The following CDK6 variants were observed in gnomAD, a reference collection of about 807,000 sequenced individuals.
CDK6 encodes the protein cyclin dependent kinase 6.
In CDK6, 6 loss-of-function variants were observed where a neutral mutation model predicts 37.1. That is an observed-to-expected ratio of 0.16 (90% CI 0.09 to 0.32). The LOEUF is 0.32. CDK6 is among the 10% of genes least tolerant of loss of function. The pLI is 1.00. For missense variants in CDK6, 224 were observed against 418.9 expected (o/e 0.53, Z 4.06); for synonymous variants, 160 against 161.3 (o/e 0.99, Z 0.06).
At chr7:92,797,079 T>C (rs1800432420) in intron 2 of CDK6, among the ~76,000 whole-genome samples, 1 of 152,154 alleles carries the variant, frequency 6.6e-6, no homozygotes, top group South Asian at 2.1e-4. Context: ...AAAAAGTATG[T>C]ATGTTATCTA....
chr7:92,795,597 A>C (rs1800388482), intron 2 of CDK6, among the ~76,000 whole-genome samples: 1 of 152,136 alleles, frequency 6.6e-6, no homozygotes, highest in African/African-American at 2.4e-5. Context: ...ATCCTAGATA[A>C]GCCCTGTCCC....
At chr7:92,682,405 G>C (rs1214498524) in intron 4 of CDK6, among the ~76,000 whole-genome samples, 1 of 152,074 alleles carries the variant, frequency 6.6e-6, no homozygotes, top group African/African-American at 2.4e-5. Context: ...TCTTCCCATA[G>C]GCCCTTCTCT....
chr7:92,675,946 G>T (rs1048889473), intron 4 of CDK6, among the ~76,000 whole-genome samples: 1 of 151,642 alleles, frequency 6.6e-6, no homozygotes, highest in Non-Finnish European at 1.5e-5. Flanking sequence ...TCTTAATGTT[G>T]TAAATTTTTG....
rs1347764325 is a variant in CDK6 at position 92,605,525 on chromosome 7, C to T, written c.*9615G>A. Reference sequence around the variant, plus strand: ...ACATATTTTACGTTACATATTTACCCTACTTTTCTATTCTCCTCCTCAGAT... The same window carrying T: ...ACATATTTTACGTTACATATTTACCTTACTTTTCTATTCTCCTCCTCAGAT... On this transcript the variant is annotated 3_prime_UTR_variant, in exon 8 of 8. Transcript: ENST00000424848. 1 of 232,964 alleles carries T rather than the reference C, an allele frequency of 4.3e-6. No homozygotes were observed. Among genetic ancestry groups the T allele is most frequent in the Non-Finnish European group, 8.5e-6 (1 of 117,954 alleles). The allele number at this position is 232,964 out of a possible 1,614,324, so 14.4% of individuals were successfully genotyped here. A position where few individuals can be genotyped will look rare whatever the true frequency, so the allele number is the denominator to read the frequency against.
At position 92,608,520 on chromosome 7, in the gene CDK6, A is replaced by T. The variant is rs74960681; in HGVS notation, c.*6620T>A. 9.1e-5 allele frequency: 21 copies of T among 231,476 alleles called. No individual in the cohort carries two copies. Among genetic ancestry groups the T allele is most frequent in the African/African-American group, 4.6e-4 (21 of 45,274 alleles). The allele number at this position is 231,476 out of a possible 1,614,324, so 14.3% of individuals were successfully genotyped here. A position where few individuals can be genotyped will look rare whatever the true frequency, so the allele number is the denominator to read the frequency against. On this transcript the variant is annotated 3_prime_UTR_variant, in exon 8 of 8. Transcript: ENST00000424848. ...ATGGAAAATAAAAAAATAAAAAAAA[A>T]TTCCTGCAATTATACATCTTTTCTT...
chr7:92,611,080 C>T lies in CDK6; in HGVS notation c.*4060G>A, dbSNP rs1268581750. 1 of 226,088 alleles carries T rather than the reference C, an allele frequency of 4.4e-6. No homozygotes were observed. Among genetic ancestry groups the T allele is most frequent in the Non-Finnish European group, 8.8e-6 (1 of 113,786 alleles). The allele number at this position is 226,088 out of a possible 1,614,324, so 14.0% of individuals were successfully genotyped here. A position where few individuals can be genotyped will look rare whatever the true frequency, so the allele number is the denominator to read the frequency against. The stretch of plus-strand genomic sequence containing the variant: ...ATATATTTGTTCATAAAGAATATAT[C>T]CTTCAAAATATATATAGCTTTGAAA... On this transcript the variant is annotated 3_prime_UTR_variant, in exon 8 of 8. Coordinates refer to ENST00000424848, the MANE Select transcript of CDK6 (RefSeq NM_001145306.2).
At position 92,615,092 on chromosome 7, in the gene CDK6, C is replaced by T. The variant is rs1263733664; in HGVS notation, c.*48G>A. ...GGCTTGCTGAGGGGGACCCATAAGC[C>T]ACCAAGGGTGTTCTCCGCAGGATCA... On this transcript the variant is annotated 3_prime_UTR_variant, in exon 8 of 8. Transcript: ENST00000424848. The T allele has an allele frequency of 6.2e-7, 1 of 1,606,978 alleles. No homozygotes were observed. The highest frequency in any genetic ancestry group is 1.1e-5 in the South Asian group (1 of 90,518).
chr7:92,673,688 C>CCCCATGGGGTT (rs1554401870), intron 4 of CDK6, among the ~76,000 whole-genome samples: 1 of 152,132 alleles, frequency 6.6e-6, no homozygotes, highest in Non-Finnish European at 1.5e-5. Flanking sequence ...TTTAGAAAAA[C>CCCCATGGGGTT]TTAGGTGTAT....
rs924356944 is a variant in CDK6 at position 92,605,533 on chromosome 7, C to T, written c.*9607G>A. The T allele has an allele frequency of 1.3e-5, 3 of 232,998 alleles. No homozygotes were observed. Among genetic ancestry groups the T allele is most frequent in the African/African-American group, 6.6e-5 (3 of 45,332 alleles). The allele number at this position is 232,998 out of a possible 1,614,324, so 14.4% of individuals were successfully genotyped here. A position where few individuals can be genotyped will look rare whatever the true frequency, so the allele number is the denominator to read the frequency against. ...TACGTTACATATTTACCCTACTTTT[C>T]TATTCTCCTCCTCAGATAGGAAGGG... On this transcript the variant is annotated 3_prime_UTR_variant, in exon 8 of 8. Coordinates refer to ENST00000424848, the MANE Select transcript of CDK6 (RefSeq NM_001145306.2).
Position 92,833,284 on chromosome 7 carries a change from C to T in CDK6, c.40G>A (p.Glu14Lys), listed in dbSNP as rs766582975. The stretch of plus-strand genomic sequence containing the variant: ...CCCTCCCCGATCTCCGCCACGCATT[C>T]GTACTGCTGGTCAGCGCGGCACAGG... ...DGLCRADQQY[E>K]CVAEIGEGAY... The change falls in exon 2 of 8, where the codon GAA becomes AAA. Residue 14 changes from glutamate (E) to lysine (K), a missense_variant. By Grantham distance (56) the Glu-to-Lys change is moderately conservative. Transcript: ENST00000424848. This position sits in a 1 kb window ranked among gnomAD's most constrained non-coding sequence, Gnocchi z 6.1. The T allele has an allele frequency of 2.5e-6, 4 of 1,608,532 alleles. No homozygotes were observed. The highest frequency in any genetic ancestry group is 3.4e-6 in the Non-Finnish European group (4 of 1,178,492).
chr7:92,695,533 T>C (rs1797697285), intron 4 of CDK6, among the ~76,000 whole-genome samples: 1 of 152,174 alleles, frequency 6.6e-6, no homozygotes, highest in Admixed American at 6.5e-5. Context: ...GCGGCTAAGT[T>C]CCATGTGAAG....
chr7:92,631,345 A>T (rs553918587), intron 5 of CDK6, among the ~76,000 whole-genome samples: 34 of 152,254 alleles, frequency 2.2e-4, no homozygotes, highest in African/African-American at 8.2e-4. Context: ...AGAAGACAGA[A>T]TTTTTTAAAA....
rs759003672 is a variant in CDK6 at position 92,618,216 on chromosome 7, G to T, written c.699-9C>A. On this transcript the variant is annotated splice_polypyrimidine_tract_variant and intron_variant, in intron 6 of 7. Transcript: ENST00000424848. Reference sequence around the variant, plus strand: ...CTGGGAGTCCAATCACGCTACAAAAGAACCACACATGGACATAAGCATTAG... The same window carrying T: ...CTGGGAGTCCAATCACGCTACAAAATAACCACACATGGACATAAGCATTAG... 3.1e-6 allele frequency: 5 copies of T among 1,613,592 alleles called. No homozygotes were observed. The East Asian group carries it at 1.1e-4, about 36-fold the overall frequency.
intron 3 of CDK6, among the ~76,000 whole-genome samples, chr7:92,751,867 A>T (rs1439455658): frequency 2.0e-5 from 3 of 152,156 alleles, no homozygotes; most frequent in Non-Finnish European, 4.4e-5. Flanking sequence ...ACTTAAGAGG[A>T]TTATAATAAT....
In CDK6 at chr7:92,672,190, T is replaced by G. The variant is rs4015296; in HGVS notation, c.538-655A>C. On this transcript the variant is annotated intron_variant, in intron 4 of 7. Coordinates refer to ENST00000424848, the MANE Select transcript of CDK6 (RefSeq NM_001145306.2). ...ATACACACACACACACACAGACACA[T>G]ACACACACACACACACACACACACA... is the stretch of plus-strand genomic sequence containing the variant. 2.3e-3 allele frequency among the ~76,000 whole-genome samples: 146 copies of G among 62,768 alleles called. 5 individuals carry two copies. The South Asian group carries it at 0.025, about 11-fold the overall frequency. The allele number at this position is 62,768 out of a possible 152,430, so 41.2% of individuals were successfully genotyped here.
intron 2 of CDK6, among the ~76,000 whole-genome samples, chr7:92,825,701 T>C (rs555396337): frequency 8.3e-4 from 126 of 152,292 alleles, no homozygotes; most frequent in African/African-American, 2.9e-3. Flanking sequence ...TTTTCCACTA[T>C]TGAAAGCCAA....
At chr7:92,674,366 A>G (rs973599827) in intron 4 of CDK6, among the ~76,000 whole-genome samples, 5 of 152,184 alleles carry the variant, frequency 3.3e-5, no homozygotes, top group African/African-American at 1.2e-4. Flanking sequence ...TCCTGAGGAC[A>G]TGGCCCTGCC....
chr7:92,616,093 T>C (rs1795672128), intron 7 of CDK6, among the ~76,000 whole-genome samples: 3 of 152,042 alleles, frequency 2.0e-5, no homozygotes, highest in Non-Finnish European at 1.5e-5. Context: ...ACCTCCTCAT[T>C]GCCACAGGAG....
intron 3 of CDK6, among the ~76,000 whole-genome samples, chr7:92,727,714 A>C (rs1314131349): frequency 6.6e-6 from 1 of 152,138 alleles, no homozygotes; most frequent in Non-Finnish European, 1.5e-5. Flanking sequence ...CCCTGAGTGA[A>C]TATTCTGAAC....
Sources: gnomAD v4.1 joint callset for allele counts (sites outside exome capture counted in the v4.1 genomes callset) on GRCh38, gnomAD v4.1.1 for gene constraint, Gnocchi (gnomAD v3.1) non-coding constraint, MANE v1.5 for transcripts, NCBI Gene and HGNC (gene_info 2026-07-23, HGNC 2026-07-21) for gene names.